Variants in SUGT1 observed in about 807,000 individuals in gnomAD.
The protein encoded by SUGT1 is protein SGT1 homolog.
A neutral mutation model predicts 56.1 loss-of-function variants in SUGT1; 15 were observed. The ratio of observed to expected loss-of-function variants is 0.27; its 90% confidence interval spans 0.18 to 0.41. The LOEUF (loss-of-function observed/expected upper bound fraction) is 0.41, where lower values mean the gene tolerates loss of function less well. Among genes scored for constraint, SUGT1 ranks in the 10% least tolerant of loss-of-function variants. The pLI, the probability that SUGT1 is intolerant of heterozygous loss-of-function variation, is 1.00. For synonymous variants in SUGT1, 123 were observed against 128.6 expected (o/e 0.96, Z 0.30); for missense variants, 347 against 382.2 (o/e 0.91, Z 0.77).
chr13:52,663,830 G>A (rs1342164474), intron 7 of SUGT1, among the ~76,000 whole-genome samples: 1 of 152,050 alleles, frequency 6.6e-6, no homozygotes, highest in Non-Finnish European at 1.5e-5. Context: ...TAAATGCTGA[G>A]CATTCTAATT....
intron 8 of SUGT1, 32 bp downstream of exon 8, chr13:52,664,089 G>A: frequency 6.2e-7 from 1 of 1,601,376 alleles, no homozygotes; most frequent in African/African-American, 1.3e-5. Context: ...AACAATGCAT[G>A]ATAAATATGC....
At chr13:52,666,650 T>G (rs1294259102) in intron 9 of SUGT1, among the ~76,000 whole-genome samples, 162 bp from the exon 10 acceptor site, 2 of 151,414 alleles carry the variant, frequency 1.3e-5, no homozygotes, top group Non-Finnish European at 3.0e-5. Flanking sequence ...AAAAAGGTTC[T>G]TAAATCTTTG....
intron 2 of SUGT1, among the ~76,000 whole-genome samples, chr13:52,653,784 A>G (rs945192434): frequency 1.3e-5 from 2 of 152,232 alleles, no homozygotes; most frequent in Non-Finnish European, 2.9e-5. Flanking sequence ...AAGATAAATG[A>G]TGCTGCGGGT....
At chr13:52,674,682 A>G (rs1325711337) in intron 10 of SUGT1, among the ~76,000 whole-genome samples, 3 of 152,176 alleles carry the variant, frequency 2.0e-5, no homozygotes, top group Non-Finnish European at 4.4e-5. Context: ...TTTTAATCCC[A>G]TTTACAAAAG....
intron 2 of SUGT1, among the ~76,000 whole-genome samples, chr13:52,653,503 G>T (rs1033923619): frequency 2.0e-5 from 3 of 152,152 alleles, no homozygotes; most frequent in African/African-American, 4.8e-5. Context: ...TATGAAGTCA[G>T]TCTACTGGAG....
At position 52,660,869 on chromosome 13, in the gene SUGT1, C is replaced by T. The variant is rs370802689; in HGVS notation, c.328+1620C>T. On this transcript the variant is annotated intron_variant, in intron 5 of 12. Coordinates refer to ENST00000310528, the MANE Select transcript of SUGT1 (RefSeq NM_006704.5). ...TCGCCCAGGCTGGAGTGCAGTGGTG[C>T]GATCTTGGGTCACTGCAGCCTCCAC... 1.1e-4 allele frequency among the ~76,000 whole-genome samples: 16 copies of T among 152,258 alleles called. No individual in the cohort carries two copies. In the South Asian group the frequency reaches 1.5e-3, roughly 14 times the overall value.
rs564711918 is a variant in SUGT1, at chr13:52,696,116, G to A, written c.*8281G>A. On this transcript the variant is annotated 3_prime_UTR_variant, in exon 13 of 13. Coordinates refer to ENST00000310528, the MANE Select transcript of SUGT1 (RefSeq NM_006704.5). The stretch of plus-strand genomic sequence containing the variant: ...ACAGTTGGTTCATTTCTTCCCCCGT[G>A]TGACTGAGTTTCTTGAGGGCGCGGT... 4.6e-5 allele frequency: 7 copies of A among 152,386 alleles called. No individual in the cohort carries two copies. Among genetic ancestry groups the A allele is most frequent in the African/African-American group, 1.7e-4 (7 of 41,558 alleles). The allele number at this position is 152,386 out of a possible 1,614,324, so 9.4% of individuals were successfully genotyped here.
At chr13:52,663,996 C>A (rs775299603) in intron 7 of SUGT1, 39 bp from the exon 8 acceptor site, 2 of 1,605,704 alleles carry the variant, frequency 1.2e-6, no homozygotes, top group South Asian at 2.2e-5. Context: ...TTGTAAAAAT[C>A]TTTCTCTTTC....
chr13:52,688,694 T>C lies in SUGT1; in HGVS notation c.*859T>C, dbSNP rs976810493. On this transcript the variant is annotated 3_prime_UTR_variant, in exon 13 of 13. Transcript: ENST00000310528. ...TAACTGCTGTGAGAGTAAATTAATG[T>C]GTATATGTTTAGTATTTACTCTGTG... is the stretch of plus-strand genomic sequence containing the variant. The C allele has an allele frequency of 6.6e-6, 1 of 152,284 alleles. No homozygotes were observed. The highest frequency in any genetic ancestry group is 1.9e-4 in the East Asian group (1 of 5,188). 9.4% of individuals were successfully genotyped at this position (152,284 alleles called of 1,614,324 possible).
rs1416796976 is a variant in SUGT1 at position 52,690,656 on chromosome 13, A to T, written c.*2821A>T. The T allele has an allele frequency of 6.6e-6, 1 of 152,156 alleles. No homozygotes were observed. The highest frequency in any genetic ancestry group is 2.4e-5 in the African/African-American group (1 of 41,420). 9.4% of individuals were successfully genotyped at this position (152,156 alleles called of 1,614,324 possible). ...CTGCTATCTAGTAATCTCTTTAGAT[A>T]TCTATACCACAAGTTTGAAACATCA... On this transcript the variant is annotated 3_prime_UTR_variant, in exon 13 of 13. Transcript: ENST00000310528.
intron 9 of SUGT1, 109 bp from the exon 10 acceptor site, chr13:52,666,700 AATG>A: frequency 1.4e-6 from 1 of 732,002 alleles, no homozygotes; most frequent in East Asian, 2.8e-5. Context: ...TTCCATATAT[AATG>A]TTTAAAATAA....
At chr13:52,680,216 A>C in intron 12 of SUGT1, 61 bp downstream of exon 12, 2 of 1,495,936 alleles carry the variant, frequency 1.3e-6, no homozygotes, top group Non-Finnish European at 1.8e-6. Context: ...TTAAACGAGA[A>C]AATTGGTAAT....
At chr13:52,666,109 A>G (rs892969692) in intron 9 of SUGT1, among the ~76,000 whole-genome samples, 1 of 152,164 alleles carries the variant, frequency 6.6e-6, no homozygotes, top group Non-Finnish European at 1.5e-5. Context: ...GTTTTTTGAG[A>G]CAGAGTCTCG....
intron 12 of SUGT1, chr13:52,687,302 G>A (rs1963634046): frequency 6.6e-6 from 1 of 152,078 alleles, no homozygotes; most frequent in South Asian, 2.1e-4. Flanking sequence ...GGCCCTTCAA[G>A]TTCTCTTCAG....
intron 2 of SUGT1, among the ~76,000 whole-genome samples, chr13:52,653,874 A>G (rs773957936): frequency 5.9e-5 from 9 of 152,234 alleles, no homozygotes; most frequent in Non-Finnish European, 1.3e-4. Flanking sequence ...TGTTACGTTT[A>G]ACAATTTGAG....
chr13:52,679,962 T>C lies in SUGT1; in HGVS notation c.719-12T>C, dbSNP rs1963301945. ...TGTTGATTAATTACTTCTGCCTTTT[T>C]TTACTTCATAGATGTAAAGAACCTA... is the stretch of plus-strand genomic sequence containing the variant. On this transcript the variant is annotated splice_polypyrimidine_tract_variant and intron_variant, in intron 11 of 12. Transcript: ENST00000310528. 6.4e-7 allele frequency: 1 copy of C among 1,571,806 alleles called. No homozygotes were observed. Among genetic ancestry groups the C allele is most frequent in the Non-Finnish European group, 8.6e-7 (1 of 1,168,006 alleles).
chr13:52,672,316 ATTACT>A lies in SUGT1; in HGVS notation c.628-3910_628-3906del, dbSNP rs1287778347. ...TTTATGGGAATGTCTCTCCTGATTA[ATTACT>A]TTAAGAAGAACAGAGGCTGTGTCCT... On this transcript the variant is annotated intron_variant, in intron 10 of 12. Coordinates refer to ENST00000310528, the MANE Select transcript of SUGT1 (RefSeq NM_006704.5). Among the ~76,000 whole-genome samples, 15 of 151,552 alleles carry A rather than the reference ATTACT, an allele frequency of 9.9e-5. No individual in the cohort carries two copies. In the East Asian group the frequency reaches 2.7e-3, roughly 27 times the overall value.
Position 52,696,695 on chromosome 13 carries a change from G to A in SUGT1, c.*8860G>A, listed in dbSNP as rs1963943996. 6.6e-6 allele frequency: 1 copy of A among 152,266 alleles called. No individual in the cohort carries two copies. Among genetic ancestry groups the A allele is most frequent in the South Asian group, 2.1e-4 (1 of 4,824 alleles). The allele number at this position is 152,266 out of a possible 1,614,324, so 9.4% of individuals were successfully genotyped here. On this transcript the variant is annotated 3_prime_UTR_variant, in exon 13 of 13. Coordinates refer to ENST00000310528, the MANE Select transcript of SUGT1 (RefSeq NM_006704.5). ...GCTGGAGTGCAGTGGCTGTTCACAG[G>A]CGTGATAATTGTGTGTTACAGCCTC...
rs953715085 is a variant in SUGT1 at position 52,690,861 on chromosome 13, T to C, written c.*3026T>C. Reference sequence around the variant, plus strand: ...TTAATAACTCTAGTTTTTAAAAACATTTTTATTCCTTTTTTAAAAATTTGT... The same window carrying C: ...TTAATAACTCTAGTTTTTAAAAACACTTTTATTCCTTTTTTAAAAATTTGT... On this transcript the variant is annotated 3_prime_UTR_variant, in exon 13 of 13. Transcript: ENST00000310528. 1 of 152,148 alleles carries C rather than the reference T, an allele frequency of 6.6e-6. No homozygotes were observed. Among genetic ancestry groups the C allele is most frequent in the East Asian group, 1.9e-4 (1 of 5,198 alleles). The allele number at this position is 152,148 out of a possible 1,614,324, so 9.4% of individuals were successfully genotyped here. A position where few individuals can be genotyped will look rare whatever the true frequency, so the allele number is the denominator to read the frequency against.
Sources: allele counts gnomAD v4.1 joint callset (sites outside exome capture counted in the v4.1 genomes callset), GRCh38; gene constraint gnomAD v4.1.1; transcripts MANE v1.5; gene names NCBI Gene and HGNC (gene_info 2026-07-23, HGNC 2026-07-21).